The following SPAG17 variants were observed in gnomAD, a reference collection of about 807,000 sequenced individuals.
SPAG17 encodes the protein sperm-associated antigen 17.
Under a neutral mutation model 273.6 loss-of-function variants are expected in SPAG17, and 169 were observed. That is an observed-to-expected ratio of 0.62 (90% CI 0.55 to 0.70). The LOEUF is 0.70. Ranked by LOEUF, SPAG17 falls within the 30% of genes least tolerant of loss-of-function variation. The pLI is 0.00. For synonymous variants in SPAG17, 825 were observed against 873.2 expected, an observed-to-expected ratio of 0.94 and a Z score of 0.97; for missense variants, 2,557 against 2,627.8, an observed-to-expected ratio of 0.97 and a Z score of 0.59.
chr1:118,085,085 T>C (rs973643690), intron 13 of SPAG17, among the ~76,000 whole-genome samples: 2 of 152,210 alleles, frequency 1.3e-5, no homozygotes, highest in African/African-American at 4.8e-5. Flanking sequence ...GTCACACTCT[T>C]TCTTAGTTCC....
At position 118,039,275 on chromosome 1, in the gene SPAG17, A is replaced by T; in HGVS notation, c.3319+17T>A. 1 of 1,609,876 alleles carries T rather than the reference A, an allele frequency of 6.2e-7. No homozygotes were observed. Among genetic ancestry groups the T allele is most frequent in the Non-Finnish European group, 8.5e-7 (1 of 1,178,218 alleles). On this transcript the variant is annotated intron_variant, in intron 23 of 48. Coordinates refer to ENST00000336338, the MANE Select transcript of SPAG17 (RefSeq NM_206996.4). Reference sequence around the variant, plus strand: ...GAGTATTAGTCAGAAGAAAGAAACCACTAAACAGCAGCTTACCCGTTTCAA... The same window carrying T: ...GAGTATTAGTCAGAAGAAAGAAACCTCTAAACAGCAGCTTACCCGTTTCAA...
intron 32 of SPAG17, among the ~76,000 whole-genome samples, chr1:118,003,722 T>C (rs571432974): frequency 5.4e-4 from 82 of 152,314 alleles, no homozygotes; most frequent in African/African-American, 1.9e-3. Context: ...GTCTAAGCTT[T>C]TTTCAAGGTT....
At chr1:118,145,709 A>G (rs1309544906) in intron 3 of SPAG17, among the ~76,000 whole-genome samples, 1 of 151,850 alleles carries the variant, frequency 6.6e-6, no homozygotes, top group African/African-American at 2.4e-5. Flanking sequence ...TTTTTTACTG[A>G]CAGGAGTAAA....
intron 28 of SPAG17, among the ~76,000 whole-genome samples, chr1:118,021,694 C>A (rs549459414): frequency 6.6e-6 from 1 of 152,200 alleles, no homozygotes; most frequent in South Asian, 2.1e-4. Flanking sequence ...TAAAACTGCT[C>A]TAAAAATAGT....
intron 1 of SPAG17, among the ~76,000 whole-genome samples, chr1:118,174,946 T>C (rs1660615429): frequency 6.6e-6 from 1 of 152,136 alleles, no homozygotes; most frequent in African/African-American, 2.4e-5. Context: ...CTCTAAATAA[T>C]GATATCTAAA....
chr1:118,067,634 T>C (rs140518228), intron 17 of SPAG17, among the ~76,000 whole-genome samples: 6 of 152,346 alleles, frequency 3.9e-5, no homozygotes, highest in East Asian at 1.9e-4. Context: ...TACTCAGGCA[T>C]GGCATTTTGG....
chr1:118,118,847 A>G (rs543932038), intron 3 of SPAG17, among the ~76,000 whole-genome samples: 2 of 152,362 alleles, frequency 1.3e-5, no homozygotes, highest in Admixed American at 6.5e-5. Context: ...TGTACACACT[A>G]AGAAATAAAA....
chr1:118,081,114 T>G lies in SPAG17; in HGVS notation c.2196A>C (p.Gln732His), dbSNP rs544922890. 6.2e-7 allele frequency: 1 copy of G among 1,612,464 alleles called. No individual in the cohort carries two copies. The highest frequency in any genetic ancestry group is 1.3e-5 in the African/African-American group (1 of 74,968). ...ACTTTAACTTACCCAGAGACTCATG[T>G]TGGGGCTGAGCCTTCATGATGCTCT... Reference protein sequence around the residue: ...EQESIMKAQPQHESLEQTTNN... With the variant: ...EQESIMKAQPHHESLEQTTNN... The change falls in exon 15 of 49, where the codon CAA (glutamine) becomes CAC (histidine). Residue 732 changes from glutamine (Q) to histidine (H), a missense_variant. Gln to His is a conservative substitution (Grantham distance 24, BLOSUM62 0). Coordinates refer to ENST00000336338, the MANE Select transcript of SPAG17 (RefSeq NM_206996.4).
chr1:118,112,206 G>A (rs1051124662), intron 4 of SPAG17, among the ~76,000 whole-genome samples: 2 of 151,398 alleles, frequency 1.3e-5, no homozygotes, highest in African/African-American at 4.9e-5. Flanking sequence ...CTTTAAATGT[G>A]TTCATAATTA....
intron 15 of SPAG17, among the ~76,000 whole-genome samples, chr1:118,079,925 G>A (rs1237461219): frequency 2.0e-5 from 3 of 152,100 alleles, no homozygotes; most frequent in Non-Finnish European, 4.4e-5. Context: ...TGACCTAGGT[G>A]TTAAATTTAG....
intron 20 of SPAG17, among the ~76,000 whole-genome samples, chr1:118,049,080 T>C (rs1341852329): frequency 1.3e-5 from 2 of 152,140 alleles, no homozygotes; most frequent in Non-Finnish European, 2.9e-5. Context: ...CTGAATCAGT[T>C]ATAAAATGTC....
Position 118,049,964 on chromosome 1 carries a change from C to T in SPAG17, c.2814+4038G>A, listed in dbSNP as rs112632241. On this transcript the variant is annotated intron_variant, in intron 20 of 48. Transcript: ENST00000336338. ...AAACTGGTGATCAGCAGCTTCCCAG[C>T]GAGACCTCAGGAGTTGGGTGAGTGG... is the stretch of plus-strand genomic sequence containing the variant. 2.5e-3 allele frequency among the ~76,000 whole-genome samples: 377 copies of T among 152,218 alleles called. 1 individual carries two copies. The highest frequency in any genetic ancestry group is 8.0e-3 in the African/African-American group (331 of 41,532).
chr1:118,182,965 C>A (rs1661017514), intron 1 of SPAG17, among the ~76,000 whole-genome samples: 1 of 152,144 alleles, frequency 6.6e-6, no homozygotes, highest in Non-Finnish European at 1.5e-5. Flanking sequence ...GATAATTATT[C>A]CAGCCTGAAA....
intron 32 of SPAG17, among the ~76,000 whole-genome samples, chr1:118,001,509 G>A (rs955983650): frequency 6.6e-6 from 1 of 152,144 alleles, no homozygotes; most frequent in African/African-American, 2.4e-5. Flanking sequence ...CCTGTTATTG[G>A]TCTATTCAGA....
At position 118,005,448 on chromosome 1, in the gene SPAG17, C is replaced by T; in HGVS notation, c.4742G>A (p.Cys1581Tyr). 6.2e-7 allele frequency: 1 copy of T among 1,611,702 alleles called. No individual in the cohort carries two copies. Among genetic ancestry groups the T allele is most frequent in the Non-Finnish European group, 8.5e-7 (1 of 1,178,998 alleles). ...YIMRHTSEVI[C>Y]EVLDPEGNTF... ...GTTTCCCTCAGGATCCAGAACCTCACAGATAACCTCTGAAGTATGCCTCAT... is the reference window on the plus strand; with the variant it reads ...GTTTCCCTCAGGATCCAGAACCTCATAGATAACCTCTGAAGTATGCCTCAT... The change falls in exon 32 of 49, where the codon TGT (cysteine) becomes TAT (tyrosine). Residue 1581 changes from cysteine to tyrosine, a missense_variant. Physicochemically the swap from Cys to Tyr is radical, Grantham distance 194. Transcript: ENST00000336338.
chr1:118,074,475 C>T, intron 16 of SPAG17, 64 bp downstream of exon 16: 1 of 1,370,484 alleles, frequency 7.3e-7, no homozygotes, highest in Non-Finnish European at 1.0e-6. Flanking sequence ...GTGTTTCTTA[C>T]TCCAAGTCAT....
intron 20 of SPAG17, among the ~76,000 whole-genome samples, chr1:118,043,690 CTGAT>C (rs1414658459): frequency 6.6e-6 from 1 of 152,118 alleles, no homozygotes; most frequent in Admixed American, 6.6e-5. Flanking sequence ...CAAGTCAGGA[CTGAT>C]TGATTGTTTA....
rs138262038 is a variant in SPAG17, at chr1:117,957,254, C to G, written c.*1-3205G>C. 8,918 of 1,546,990 alleles carry G rather than the reference C, an allele frequency of 5.8e-3. 35 individuals carry two copies. The highest frequency in any genetic ancestry group is 6.7e-3 in the Non-Finnish European group (7,706 of 1,146,464). The stretch of plus-strand genomic sequence containing the variant: ...TTCAGCAGAACTGCTTCAGTAGTAC[C>G]TTAACTGAAGCTGTCAACACTTTGG... On this transcript the variant is annotated intron_variant, in intron 48 of 48. Transcript: ENST00000336338.
chr1:118,145,880 G>C (rs1035205574), intron 3 of SPAG17, among the ~76,000 whole-genome samples: 2 of 152,016 alleles, frequency 1.3e-5, no homozygotes, highest in Non-Finnish European at 2.9e-5. Flanking sequence ...GACAATTTTT[G>C]TTTCAGTAAG....
Sources: gnomAD v4.1 joint callset for allele counts (sites outside exome capture counted in the v4.1 genomes callset) on GRCh38, gnomAD v4.1.1 for gene constraint, MANE v1.5 for transcripts, NCBI Gene and HGNC (gene_info 2026-07-23, HGNC 2026-07-21) for gene names.